Variants in AGO3 observed in about 807,000 individuals in gnomAD.
AGO3 encodes the protein argonaute RISC catalytic component 3, also known as protein argonaute-3.
AGO3 carries 16 observed loss-of-function variants against 105.5 expected under a neutral mutation model. The ratio of observed to expected loss-of-function variants is 0.15; its 90% CI spans 0.10 to 0.23. The LOEUF is 0.23. Among genes scored for constraint, AGO3 ranks in the 10% least tolerant of loss-of-function variants. The pLI is 1.00. For missense variants in AGO3, 534 were observed against 1,088.0 expected, an observed-to-expected ratio of 0.49 and a Z score of 7.16; for synonymous variants, 340 against 367.3, an observed-to-expected ratio of 0.93 and a Z score of 0.85.
intron 5 of AGO3, among the ~76,000 whole-genome samples, chr1:35,993,540 C>T (rs962690043): frequency 6.6e-6 from 1 of 151,990 alleles, no homozygotes; most frequent in Non-Finnish European, 1.5e-5. Flanking sequence ...ACAAGCCACA[C>T]CTTTACCAAA....
chr1:35,968,956 A>C (rs982557689), intron 3 of AGO3, among the ~76,000 whole-genome samples: 1 of 151,474 alleles, frequency 6.6e-6, no homozygotes, highest in African/African-American at 2.4e-5. Flanking sequence ...GCGTGAGATG[A>C]TATCTCATTG....
chr1:36,014,189 C>CAAA, intron 11 of AGO3, 141 bp downstream of exon 11: 2 of 1,098,182 alleles, frequency 1.8e-6, no homozygotes, highest in Non-Finnish European at 1.3e-6. Context: ...GACAGAGTCT[C>CAAA]ACTCTGTCAC....
rs1643146093 is a variant in AGO3 at position 36,070,398 on chromosome 1, A to G, written c.*14653A>G. On this transcript the variant is annotated 3_prime_UTR_variant, in exon 19 of 19. Transcript: ENST00000373191. ...GCAGGTCATATCAGGTGTCTGATGCAGTTACCTTTATAGATCGTGGCAGGT... is the reference window on the plus strand; with the variant it reads ...GCAGGTCATATCAGGTGTCTGATGCGGTTACCTTTATAGATCGTGGCAGGT... 1 of 152,206 alleles carries G rather than the reference A, an allele frequency of 6.6e-6. No individual in the cohort carries two copies. Among genetic ancestry groups the G allele is most frequent in the Non-Finnish European group, 1.5e-5 (1 of 68,044 alleles). 9.4% of individuals were successfully genotyped at this position (152,206 alleles called of 1,614,324 possible).
chr1:36,001,064 C>T (rs1460400641), intron 5 of AGO3, among the ~76,000 whole-genome samples: 5 of 151,862 alleles, frequency 3.3e-5, no homozygotes, highest in Non-Finnish European at 5.9e-5. Context: ...GGTGAAACCC[C>T]GTCTCCACTA....
At position 35,968,751 on chromosome 1, in the gene AGO3, A is replaced by G. The variant is rs181892580; in HGVS notation, c.312+1676A>G. Among the ~76,000 whole-genome samples, 219 of 152,348 alleles carry G rather than the reference A, an allele frequency of 1.4e-3. 1 individual carries two copies. Among genetic ancestry groups the G allele is most frequent in the Non-Finnish European group, 1.9e-4 (13 of 68,032 alleles). On this transcript the variant is annotated intron_variant, in intron 3 of 18. Coordinates refer to ENST00000373191, the MANE Select transcript of AGO3 (RefSeq NM_024852.4). The stretch of plus-strand genomic sequence containing the variant: ...CTTTCGGTTCTTTGGATATATACCC[A>G]GAAGTAAATTTGCCAGGTCATGTGA...
Position 35,952,110 on chromosome 1 carries a change from GTCTTTCTTTCTTTCTT to G in AGO3, c.191+6273_191+6288del, listed in dbSNP as rs146413112. 3.2e-3 allele frequency among the ~76,000 whole-genome samples: 367 copies of G among 113,006 alleles called. 1 individual carries two copies. Among genetic ancestry groups the G allele is most frequent in the Middle Eastern group, 4.6e-3 (1 of 216 alleles). The allele number at this position is 113,006 out of a possible 152,430, so 74.1% of individuals were successfully genotyped here. A position where few individuals can be genotyped will look rare whatever the true frequency, so the allele number is the denominator to read the frequency against. Reference sequence around the variant, plus strand: ...TCTGTAGATTGTCGGTTCTGGGTCGGTCTTTCTTTCTTTCTTTCTTTCTTTCTTTCTTTCTTTCTTT... The same window carrying G: ...TCTGTAGATTGTCGGTTCTGGGTCGGTCTTTCTTTCTTTCTTTCTTTCTTT... On this transcript the variant is annotated intron_variant, in intron 2 of 18. Transcript: ENST00000373191.
At chr1:36,036,055 T>G (rs1211657065) in intron 13 of AGO3, 122 bp from the exon 14 acceptor site, 5 of 764,460 alleles carry the variant, frequency 6.5e-6, no homozygotes, top group South Asian at 4.3e-5. Context: ...AAAAAAAAAT[T>G]TGGATTACAT....
At chr1:35,985,427 A>G (rs1647150875) in intron 5 of AGO3, among the ~76,000 whole-genome samples, 1 of 152,238 alleles carries the variant, frequency 6.6e-6, no homozygotes, top group Admixed American at 6.5e-5. Context: ...ACTTCCTATA[A>G]AACTGTAACA....
chr1:36,013,905 C>T lies in AGO3; in HGVS notation c.1273-10C>T. 6.2e-7 allele frequency: 1 copy of T among 1,602,610 alleles called. No individual in the cohort carries two copies. Among genetic ancestry groups the T allele is most frequent in the South Asian group, 1.1e-5 (1 of 88,456 alleles). ...CTTTTTCACCATGTTATTTTTTTCT[C>T]CTCGTGTAGAATCGGACAGTAGCAA... On this transcript the variant is annotated splice_polypyrimidine_tract_variant and intron_variant, in intron 10 of 18. Coordinates refer to ENST00000373191, the MANE Select transcript of AGO3 (RefSeq NM_024852.4).
rs574791888 is a variant in AGO3, at chr1:36,036,930, G to C, written c.1842+663G>C. On this transcript the variant is annotated intron_variant, in intron 14 of 18. Transcript: ENST00000373191. Reference sequence around the variant, plus strand: ...AGGCTGGTCTTGAACTCCTGATCTCGGTCAGTCCACCTGCTTCGGCCTCCC... The same window carrying C: ...AGGCTGGTCTTGAACTCCTGATCTCCGTCAGTCCACCTGCTTCGGCCTCCC... 2.6e-5 allele frequency among the ~76,000 whole-genome samples: 4 copies of C among 151,946 alleles called. No individual in the cohort carries two copies. The South Asian group carries it at 6.2e-4, about 24-fold the overall frequency.
At chr1:35,937,879 G>A (rs976108118) in intron 1 of AGO3, among the ~76,000 whole-genome samples, 10 of 151,972 alleles carry the variant, frequency 6.6e-5, no homozygotes, top group East Asian at 5.8e-4. Context: ...TGTTTACTAC[G>A]TAGCTTTGCA....
chr1:35,973,622 C>A (rs1192080942), intron 5 of AGO3, 111 bp downstream of exon 5: 2 of 1,181,102 alleles, frequency 1.7e-6, no homozygotes, highest in African/African-American at 1.6e-5. Flanking sequence ...AATATTTGGA[C>A]ATGTATTATG....
intron 17 of AGO3, 82 bp downstream of exon 17, chr1:36,043,630 A>G: frequency 1.7e-6 from 2 of 1,159,148 alleles, no homozygotes; most frequent in East Asian, 2.5e-5. Context: ...GAAAAAGGAT[A>G]AAGAAATACT....
chr1:35,944,365 G>A (rs539545088), intron 1 of AGO3, among the ~76,000 whole-genome samples: 1 of 151,730 alleles, frequency 6.6e-6, no homozygotes, highest in African/African-American at 2.4e-5. Flanking sequence ...GTACTTTAGT[G>A]TATCAGTAAG....
At chr1:36,022,369 TA>T (rs1641275782) in intron 11 of AGO3, among the ~76,000 whole-genome samples, 1 of 152,192 alleles carries the variant, frequency 6.6e-6, no homozygotes, top group Non-Finnish European at 1.5e-5. Flanking sequence ...CCCTCATTTG[TA>T]AATAGACTTC....
At position 36,056,324 on chromosome 1, in the gene AGO3, C is replaced by T. The variant is rs1642915799; in HGVS notation, c.*579C>T. 1 of 152,122 alleles carries T rather than the reference C, an allele frequency of 6.6e-6. No homozygotes were observed. The highest frequency in any genetic ancestry group is 2.4e-5 in the African/African-American group (1 of 41,412). The allele number at this position is 152,122 out of a possible 1,614,324, so 9.4% of individuals were successfully genotyped here. On this transcript the variant is annotated 3_prime_UTR_variant, in exon 19 of 19. Coordinates refer to ENST00000373191, the MANE Select transcript of AGO3 (RefSeq NM_024852.4). ...TTCATTCCATTGGGGAATTTTCTTTCCCTTTTATTCTACCCCCACTACCGC... is the reference window on the plus strand; with the variant it reads ...TTCATTCCATTGGGGAATTTTCTTTTCCTTTTATTCTACCCCCACTACCGC...
intron 5 of AGO3, among the ~76,000 whole-genome samples, chr1:35,988,632 A>G (rs773653967): frequency 6.6e-6 from 1 of 151,956 alleles, no homozygotes; most frequent in East Asian, 1.9e-4. Context: ...AGGCTAAATA[A>G]TATTCCATTT....
At chr1:36,046,080 C>T (rs1362786817) in intron 17 of AGO3, among the ~76,000 whole-genome samples, 1 of 152,178 alleles carries the variant, frequency 6.6e-6, no homozygotes, top group Non-Finnish European at 1.5e-5. Flanking sequence ...CCTTGGACAC[C>T]TACACTGGGG....
intron 3 of AGO3, among the ~76,000 whole-genome samples, chr1:35,969,869 A>G (rs373903450): frequency 7.9e-5 from 12 of 152,340 alleles, no homozygotes; most frequent in African/African-American, 2.6e-4. Flanking sequence ...GTGTATCTAA[A>G]CGTATCTAAC....
Sources: allele counts gnomAD v4.1 joint callset (sites outside exome capture counted in the v4.1 genomes callset), GRCh38; gene constraint gnomAD v4.1.1; transcripts MANE v1.5; gene names NCBI Gene and HGNC (gene_info 2026-07-23, HGNC 2026-07-21).